RAB3C: variants seen among roughly 807,000 people sequenced by gnomAD.
RAB3C encodes the protein RAB3C, member RAS oncogene family.
RAB3C carries 17 observed loss-of-function variants against 26.4 expected under a neutral mutation model. The ratio of observed to expected loss-of-function variants is 0.64; its 90% CI spans 0.44 to 0.97. The LOEUF (loss-of-function observed/expected upper bound fraction) is 0.97. Among genes scored for constraint, RAB3C ranks in the 50% least tolerant of loss-of-function variants. RAB3C has a pLI of 0.00. For synonymous variants in RAB3C, 91 were observed against 95.9 expected, an observed-to-expected ratio of 0.95 and a Z score of 0.30; for missense variants, 242 against 281.9, an observed-to-expected ratio of 0.86 and a Z score of 1.01.
intron 3 of RAB3C, among the ~76,000 whole-genome samples, chr5:58,737,437 ATATATATAT>A (rs1561305230): frequency 2.4e-5 from 2 of 82,320 alleles, no homozygotes; most frequent in African/African-American, 6.2e-5. Context: ...ATATATATAT[ATATATATAT>A]ATAATTTACT....
intron 3 of RAB3C, among the ~76,000 whole-genome samples, chr5:58,779,570 T>C (rs897436325): frequency 2.0e-5 from 3 of 151,894 alleles, no homozygotes; most frequent in Non-Finnish European, 2.9e-5. Flanking sequence ...AATTTCGTTG[T>C]AGAGATGGGG....
intron 2 of RAB3C, among the ~76,000 whole-genome samples, chr5:58,680,268 G>GA (rs1748319507): frequency 6.6e-6 from 1 of 152,090 alleles, no homozygotes; most frequent in Non-Finnish European, 1.5e-5. Flanking sequence ...CCTAGAATCT[G>GA]AAAAAATAAT....
chr5:58,663,764 A>T (rs1343934564), intron 2 of RAB3C, among the ~76,000 whole-genome samples: 1 of 152,184 alleles, frequency 6.6e-6, no homozygotes, highest in Non-Finnish European at 1.5e-5. Flanking sequence ...AAAAATTAAA[A>T]AATGAAAACA....
intron 3 of RAB3C, among the ~76,000 whole-genome samples, chr5:58,809,592 G>A (rs1383103747): frequency 2.6e-5 from 4 of 152,124 alleles, no homozygotes. Flanking sequence ...CACCCATCAA[G>A]TTCACACGTT....
At chr5:58,609,000 T>G (rs1746632745) in intron 1 of RAB3C, among the ~76,000 whole-genome samples, 1 of 151,964 alleles carries the variant, frequency 6.6e-6, no homozygotes, top group South Asian at 2.1e-4. Context: ...TGAGAACACT[T>G]GGACTTAGGG....
At chr5:58,677,140 A>G (rs746095420) in intron 2 of RAB3C, among the ~76,000 whole-genome samples, 5 of 152,288 alleles carry the variant, frequency 3.3e-5, no homozygotes, top group Non-Finnish European at 7.3e-5. Flanking sequence ...TGTTCTCCCA[A>G]TGTGCATGTC....
intron 1 of RAB3C, among the ~76,000 whole-genome samples, chr5:58,596,605 T>C (rs1282359406): frequency 2.6e-5 from 3 of 113,934 alleles, no homozygotes; most frequent in African/African-American, 1.0e-4. Context: ...ATATATTATA[T>C]ATAAATATAT....
At chr5:58,620,810 T>G (rs1746920865) in intron 2 of RAB3C, among the ~76,000 whole-genome samples, 1 of 152,146 alleles carries the variant, frequency 6.6e-6, no homozygotes, top group Admixed American at 6.5e-5. Context: ...ATGGCAATCT[T>G]GAGTGATGCA....
rs57295488 is a variant in RAB3C, at chr5:58,642,736, C to T, written c.252+24866C>T. Reference sequence around the variant, plus strand: ...ATGTATTTCTTGATTGCTCTTTTAACTTCACTTCTTCCTCCCTAGAGAACT... The same window carrying T: ...ATGTATTTCTTGATTGCTCTTTTAATTTCACTTCTTCCTCCCTAGAGAACT... On this transcript the variant is annotated intron_variant, in intron 2 of 4. Coordinates refer to ENST00000282878, the MANE Select transcript of RAB3C (RefSeq NM_138453.4). Among the ~76,000 whole-genome samples the T allele has an allele frequency of 4.2e-3, 634 of 152,300 alleles. 2 individuals are homozygous for T. The highest frequency in any genetic ancestry group is 0.013 in the African/African-American group (522 of 41,562).
Position 58,649,824 on chromosome 5 carries a change from A to G in RAB3C, c.252+31954A>G, listed in dbSNP as rs751794228. ...ACTCTGTAGCCAAAGCAGTGAACAC[A>G]TCTCTGCTAACGTTTTAATGGTCTG... On this transcript the variant is annotated intron_variant, in intron 2 of 4. Transcript: ENST00000282878. Among the ~76,000 whole-genome samples the G allele has an allele frequency of 2.6e-5, 4 of 152,278 alleles. No homozygotes were observed. The East Asian group carries it at 5.8e-4, about 22-fold the overall frequency.
chr5:58,650,376 A>ATTTACTGTCT (rs1747618655), intron 2 of RAB3C, among the ~76,000 whole-genome samples: 1 of 152,170 alleles, frequency 6.6e-6, no homozygotes. Flanking sequence ...AAAAGAGGGA[A>ATTTACTGTCT]GGGAGAGAGA....
chr5:58,774,023 T>C lies in RAB3C; in HGVS notation c.371+47903T>C, dbSNP rs4700306. On this transcript the variant is annotated intron_variant, in intron 3 of 4. Transcript: ENST00000282878. ...TGTTCCAAACTCTACACTCTTCACA[T>C]GCTTCCTGGAGCTCTCCTCCCTTTG... 6.7e-3 allele frequency among the ~76,000 whole-genome samples: 1,025 copies of C among 152,002 alleles called. 14 individuals are homozygous for C. Among genetic ancestry groups the C allele is most frequent in the African/African-American group, 0.024 (983 of 41,460 alleles).
chr5:58,840,948 C>T (rs896268293), intron 4 of RAB3C, among the ~76,000 whole-genome samples: 2 of 152,160 alleles, frequency 1.3e-5, no homozygotes, highest in Non-Finnish European at 2.9e-5. Context: ...ATTGTGCCTG[C>T]CAGGAGTGGT....
chr5:58,710,599 AAAAT>A lies in RAB3C; in HGVS notation c.253-15361_253-15358del, dbSNP rs1554048943. Among the ~76,000 whole-genome samples, 1,317 of 135,580 alleles carry A rather than the reference AAAAT, an allele frequency of 9.7e-3. 4 individuals are homozygous for A. Among genetic ancestry groups the A allele is most frequent in the Non-Finnish European group, 0.011 (700 of 64,452 alleles). 88.9% of individuals were successfully genotyped at this position (135,580 alleles called of 152,430 possible). On this transcript the variant is annotated intron_variant, in intron 2 of 4. Transcript: ENST00000282878. ...GGGCAAAAGAGCAAGACTCTGTCTC[AAAAT>A]AAATAAATAAATAAATAAATAAATA...
chr5:58,614,507 A>C (rs1746784101), intron 1 of RAB3C, among the ~76,000 whole-genome samples: 1 of 152,104 alleles, frequency 6.6e-6, no homozygotes. Context: ...ACAGTCTTCA[A>C]GAGTAAGTGA....
rs180745767 is a variant in RAB3C, at chr5:58,742,946, A to G, written c.371+16826A>G. 2.5e-3 allele frequency among the ~76,000 whole-genome samples: 381 copies of G among 152,234 alleles called. 1 individual carries two copies. The highest frequency in any genetic ancestry group is 5.0e-3 in the South Asian group (24 of 4,812). The stretch of plus-strand genomic sequence containing the variant: ...GATAGGGATACGGGAGGGAATGAAA[A>G]AGGCAGAAAGAAAGGAGTGCATGTT... On this transcript the variant is annotated intron_variant, in intron 3 of 4. Transcript: ENST00000282878.
At chr5:58,724,251 C>T (rs776541227) in intron 2 of RAB3C, among the ~76,000 whole-genome samples, 84 of 151,660 alleles carry the variant, frequency 5.5e-4, no homozygotes, top group Admixed American at 1.1e-3. Flanking sequence ...ACATGAATTA[C>T]TTCATGGAAC....
At chr5:58,764,844 G>A (rs1741866089) in intron 3 of RAB3C, among the ~76,000 whole-genome samples, 1 of 152,048 alleles carries the variant, frequency 6.6e-6, no homozygotes, top group South Asian at 2.1e-4. Flanking sequence ...TCATGAACTG[G>A]TTACATCAAT....
chr5:58,647,971 G>A (rs902807790), intron 2 of RAB3C, among the ~76,000 whole-genome samples: 1 of 152,132 alleles, frequency 6.6e-6, no homozygotes, highest in Non-Finnish European at 1.5e-5. Context: ...AAAAAAATGT[G>A]ACATAGTATA....
Sources: gnomAD v4.1 joint callset for allele counts (sites outside exome capture counted in the v4.1 genomes callset) on GRCh38, gnomAD v4.1.1 for gene constraint, MANE v1.5 for transcripts, NCBI Gene and HGNC (gene_info 2026-07-23, HGNC 2026-07-21) for gene names.